The following FCAR variants were observed in gnomAD, a reference collection of about 807,000 sequenced individuals.
FCAR encodes immunoglobulin alpha Fc receptor.
In FCAR, 21 loss-of-function variants were observed where a neutral mutation model predicts 27.1. The observed-to-expected ratio is 0.77, with a 90% CI of 0.55 to 1.11. The LOEUF (loss-of-function observed/expected upper bound fraction) is 1.11, where lower values mean the gene tolerates loss of function less well. Among genes scored for constraint, FCAR ranks in the 50% most tolerant of loss-of-function variants. FCAR has a pLI of 0.00. For missense variants in FCAR, 404 were observed against 358.4 expected (o/e 1.13, Z -1.03); for synonymous variants, 134 against 135.8 (o/e 0.99, Z 0.09).
At position 54,889,987 on chromosome 19, in the gene FCAR, G is replaced by A. The variant is rs2066991100; in HGVS notation, c.*124G>A. ...TACTTTTTTTTTTTTTTGAGACAGA[G>A]TCTGGCTCTGTCACCCAGGCTGGAG... On this transcript the variant is annotated 3_prime_UTR_variant, in exon 5 of 5. Coordinates refer to ENST00000355524, the MANE Select transcript of FCAR (RefSeq NM_002000.4). 9 of 678,550 alleles carry A rather than the reference G, an allele frequency of 1.3e-5. No homozygotes were observed. The highest frequency in any genetic ancestry group is 1.1e-4 in the South Asian group (6 of 54,830). 42.0% of individuals were successfully genotyped at this position (678,550 alleles called of 1,614,324 possible).
At position 54,891,069 on chromosome 19, in the gene FCAR, T is replaced by C. The variant is rs587672491; in HGVS notation, c.*1206T>C. On this transcript the variant is annotated 3_prime_UTR_variant, in exon 5 of 5. Coordinates refer to ENST00000355524, the MANE Select transcript of FCAR (RefSeq NM_002000.4). ...ACTTAGTTTTGATGATATTCACATA[T>C]ATTATCAAGTGTGCAAACATTAAAT... The C allele has an allele frequency of 6.6e-6, 1 of 152,352 alleles. No homozygotes were observed. Among genetic ancestry groups the C allele is most frequent in the South Asian group, 2.1e-4 (1 of 4,832 alleles). 9.4% of individuals were successfully genotyped at this position (152,352 alleles called of 1,614,324 possible).
intron 2 of FCAR, among the ~76,000 whole-genome samples, chr19:54,875,987 T>G (rs1157785102): frequency 6.6e-6 from 1 of 152,250 alleles, no homozygotes; most frequent in African/African-American, 2.4e-5. Context: ...TTCCATTTGT[T>G]TGTGTCATCT....
In FCAR at chr19:54,888,057, C is replaced by A. The variant is rs1244184486; in HGVS notation, c.412C>A (p.Pro138Thr). 6.2e-7 allele frequency: 1 copy of A among 1,613,816 alleles called. No homozygotes were observed. Among genetic ancestry groups the A allele is most frequent in the South Asian group, 1.1e-5 (1 of 91,082 alleles). ...TGCAGATCGGGGTCTGGTGTTGATG[C>A]CAGGAGAGAATATTTCCCTCACGTG... ...LSADRGLVLM[P>T]GENISLTCSS... is the part of the protein sequence containing the mutation. The change falls in exon 4 of 5, where the codon CCA (proline) becomes ACA (threonine). Residue 138 changes from proline (P) to threonine (T), a missense_variant. Physicochemically the swap from Pro to Thr is conservative, Grantham distance 38 (BLOSUM62 -1). Coordinates refer to ENST00000355524, the MANE Select transcript of FCAR (RefSeq NM_002000.4).
intron 4 of FCAR, chr19:54,888,788 G>A (rs1184130352): frequency 3.0e-6 from 3 of 996,472 alleles, no homozygotes; most frequent in South Asian, 4.4e-5. Context: ...TTACAGGCGT[G>A]AGCCACCGCG....
rs149025092 is a variant in FCAR, at chr19:54,889,825, G to A, written c.826G>A (p.Gly276Arg). The change falls in exon 5 of 5, where the codon GGA (glycine) becomes AGA (arginine). Residue 276 changes from glycine to arginine, a missense_variant. Gly to Arg is a moderately radical substitution (Grantham distance 125). Transcript: ENST00000355524. ...CTGGAGCCAACAGATGTGTCAGCCAGGATTGACCTTTGCACGAACACCAAG... is the reference window on the plus strand; with the variant it reads ...CTGGAGCCAACAGATGTGTCAGCCAAGATTGACCTTTGCACGAACACCAAG... Reference protein sequence around the residue: ...PSWSQQMCQPGLTFARTPSVC... With the variant: ...PSWSQQMCQPRLTFARTPSVC... The A allele has an allele frequency of 4.7e-5, 75 of 1,609,228 alleles. 1 individual carries two copies. The Middle Eastern group carries it at 6.7e-4, about 14-fold the overall frequency.
chr19:54,885,361 C>T lies in FCAR; in HGVS notation c.197C>T (p.Ser66Phe), dbSNP rs1248165745. ...ACCCAGCTGATGATCATAAAAAACTCCACGTACCGAGAGATAGGCAGAAGA... is the reference window on the plus strand; with the variant it reads ...ACCCAGCTGATGATCATAAAAAACTTCACGTACCGAGAGATAGGCAGAAGA... Reference protein sequence around the residue: ...YLTQLMIIKNSTYREIGRRLK... With the variant: ...YLTQLMIIKNFTYREIGRRLK... The change falls in exon 3 of 5, where the codon TCC (serine) becomes TTC (phenylalanine). Residue 66 changes from serine to phenylalanine, a missense_variant. Transcript: ENST00000355524. 2 of 1,613,946 alleles carry T rather than the reference C, an allele frequency of 1.2e-6. No individual in the cohort carries two copies. Among genetic ancestry groups the T allele is most frequent in the East Asian group, 2.2e-5 (1 of 44,884 alleles).
chr19:54,874,395 C>A, intron 1 of FCAR, 72 bp downstream of exon 1: 1 of 1,463,930 alleles, frequency 6.8e-7, no homozygotes, highest in Non-Finnish European at 9.6e-7. Context: ...TGTCTCTTAA[C>A]AGTGTGACTA....
At chr19:54,879,424 T>A (rs1377522765) in intron 2 of FCAR, among the ~76,000 whole-genome samples, 1 of 152,224 alleles carries the variant, frequency 6.6e-6, no homozygotes, top group Admixed American at 6.5e-5. Flanking sequence ...TAGGACCTCT[T>A]GTAAGGCAGG....
intron 2 of FCAR, among the ~76,000 whole-genome samples, chr19:54,878,487 G>A (rs978157652): frequency 4.6e-5 from 7 of 152,058 alleles, no homozygotes; most frequent in African/African-American, 9.7e-5. Context: ...TTATGAATCC[G>A]GGTGCTTCCA....
chr19:54,888,263 C>G lies in FCAR; in HGVS notation c.618C>G (p.Phe206Leu), dbSNP rs1292002538. The change falls in exon 4 of 5, where the codon TTC (phenylalanine) becomes TTG (leucine). Residue 206 changes from phenylalanine (F) to leucine (L), a missense_variant. Coordinates refer to ENST00000355524, the MANE Select transcript of FCAR (RefSeq NM_002000.4). ...ACAGGAGCCCCTACCTGTGGTCCTT[C>G]CCCAGTAATGCCTTGGAGCTTGTGG... ...WYNRSPYLWS[F>L]PSNALELVVT... 2 of 1,614,142 alleles carry G rather than the reference C, an allele frequency of 1.2e-6. No homozygotes were observed. Among genetic ancestry groups the G allele is most frequent in the Non-Finnish European group, 1.7e-6 (2 of 1,180,002 alleles).
chr19:54,883,006 G>C (rs945216933), intron 2 of FCAR, among the ~76,000 whole-genome samples: 5 of 151,430 alleles, frequency 3.3e-5, no homozygotes, highest in Non-Finnish European at 7.4e-5. Context: ...GTTTTGTTTC[G>C]TTTTTTGTTT....
chr19:54,881,173 G>A lies in FCAR; in HGVS notation c.71-4062G>A, dbSNP rs59393885. On this transcript the variant is annotated intron_variant, in intron 2 of 4. Transcript: ENST00000355524. Reference sequence around the variant, plus strand: ...AGAGAGATGTGGAGCCACTATCAGTGCGATGAGCCAAGAGTGAGGCGACTG... The same window carrying A: ...AGAGAGATGTGGAGCCACTATCAGTACGATGAGCCAAGAGTGAGGCGACTG... Among the ~76,000 whole-genome samples the A allele has an allele frequency of 3.4e-3, 521 of 152,314 alleles. 4 individuals are homozygous for A. The highest frequency in any genetic ancestry group is 0.012 in the African/African-American group (499 of 41,570).
chr19:54,888,457 T>G, intron 4 of FCAR, 163 bp downstream of exon 4: 1 of 1,432,534 alleles, frequency 7.0e-7, no homozygotes, highest in Non-Finnish European at 9.1e-7. Context: ...CTTTCCGCTT[T>G]CACTTCCTCG....
intron 4 of FCAR, among the ~76,000 whole-genome samples, chr19:54,889,309 T>C (rs2066931963): frequency 6.9e-6 from 1 of 144,156 alleles, no homozygotes; most frequent in Non-Finnish European, 1.5e-5. Flanking sequence ...GAGGCGGAGG[T>C]TGCAGTGAGC....
In FCAR at chr19:54,886,131, C is replaced by T. The variant is rs587770783; in HGVS notation, c.361+606C>T. Among the ~76,000 whole-genome samples, 4 of 151,706 alleles carry T rather than the reference C, an allele frequency of 2.6e-5. No individual in the cohort carries two copies. The South Asian group carries it at 8.3e-4, about 32-fold the overall frequency. On this transcript the variant is annotated intron_variant, in intron 3 of 4. Coordinates refer to ENST00000355524, the MANE Select transcript of FCAR (RefSeq NM_002000.4). ...GGCCTGGTGGCACACGCCTGTAATC[C>T]CAGCTACTTGGGAGGCTGAGGCAGG...
intron 2 of FCAR, among the ~76,000 whole-genome samples, chr19:54,884,278 C>T (rs916646535): frequency 9.9e-5 from 15 of 152,200 alleles, no homozygotes; most frequent in African/African-American, 2.9e-4. Flanking sequence ...TAACGGCACC[C>T]GACTGCTCTG....
chr19:54,883,758 T>C (rs911136638), intron 2 of FCAR, among the ~76,000 whole-genome samples: 1 of 151,928 alleles, frequency 6.6e-6, no homozygotes, highest in Non-Finnish European at 1.5e-5. Flanking sequence ...ACTGAGACCA[T>C]CCTGGATAAC....
At chr19:54,887,944 TAAG>T in intron 3 of FCAR, 60 bp from the exon 4 acceptor site, 11 of 1,175,808 alleles carry the variant, frequency 9.4e-6, no homozygotes, top group African/African-American at 3.1e-5. Flanking sequence ...ATAACAATAA[TAAG>T]AAGAAGAAAA....
intron 2 of FCAR, among the ~76,000 whole-genome samples, chr19:54,884,133 A>G (rs1471032715): frequency 6.6e-6 from 1 of 152,152 alleles, no homozygotes. Flanking sequence ...GCATGCAGCC[A>G]CGACCCCGGG....
Sources: allele counts gnomAD v4.1 joint callset (sites outside exome capture counted in the v4.1 genomes callset), GRCh38; gene constraint gnomAD v4.1.1; transcripts MANE v1.5; gene names NCBI Gene and HGNC (gene_info 2026-07-23, HGNC 2026-07-21).